PCDHGB6: variants seen among roughly 807,000 people sequenced by gnomAD.
The protein encoded by PCDHGB6 is protocadherin gamma-B6.
A neutral mutation model predicts 59.1 loss-of-function variants in PCDHGB6; 51 were observed. That is an observed-to-expected ratio of 0.86 (90% confidence interval 0.69 to 1.09). PCDHGB6 has a LOEUF of 1.09. Among genes scored for constraint, PCDHGB6 ranks in the 50% least tolerant of loss-of-function variants. PCDHGB6 has a pLI of 0.00. For synonymous variants in PCDHGB6, 466 were observed against 495.1 expected (o/e 0.94, Z 0.78); for missense variants, 1,148 against 1,205.1 (o/e 0.95, Z 0.70).
At position 141,491,299 on chromosome 5, in the gene PCDHGB6, C is replaced by T. The variant is rs777271881; in HGVS notation, c.2419-3508C>T. ...TGACTTCCTCATACACCCTCCTGAG[C>T]GTTCAGACCTTACCCTTTACCTCAT... On this transcript the variant is annotated intron_variant, in intron 1 of 3. Transcript: ENST00000520790. This position sits in a 1 kb window ranked among gnomAD's most constrained non-coding sequence, Gnocchi z 6.9. 3.7e-6 allele frequency: 6 copies of T among 1,614,068 alleles called. No individual in the cohort carries two copies. Among genetic ancestry groups the T allele is most frequent in the Non-Finnish European group, 5.1e-6 (6 of 1,179,896 alleles).
chr5:141,413,014 A>T, intron 1 of PCDHGB6: 1 of 663,842 alleles, frequency 1.5e-6, no homozygotes, highest in Non-Finnish European at 2.4e-6. Context: ...CTTCAACTAC[A>T]CAAGCCCCAC....
chr5:141,419,578 G>C (rs1339676992), intron 1 of PCDHGB6: 1 of 1,611,722 alleles, frequency 6.2e-7, no homozygotes. Flanking sequence ...ACGGCTCCGC[G>C]CTCTTCGACA....
At chr5:141,448,887 G>T (rs1160586933) in intron 1 of PCDHGB6, among the ~76,000 whole-genome samples, 1 of 152,172 alleles carries the variant, frequency 6.6e-6, no homozygotes, top group East Asian at 1.9e-4. Flanking sequence ...GGAGCTTGCA[G>T]TGAGCCGAGA....
chr5:141,462,388 C>T (rs529638718), intron 1 of PCDHGB6, among the ~76,000 whole-genome samples: 86 of 152,204 alleles, frequency 5.7e-4, no homozygotes, highest in Non-Finnish European at 9.4e-4. Context: ...AATTCGTTAA[C>T]ATTTCTTTTA....
intron 1 of PCDHGB6, among the ~76,000 whole-genome samples, chr5:141,447,535 G>T (rs1366016262): frequency 3.3e-5 from 5 of 152,162 alleles, no homozygotes; most frequent in Admixed American, 6.5e-5. Flanking sequence ...AAATTGTTGG[G>T]TTTTAATGTT....
chr5:141,450,006 C>CTATTTTT lies in PCDHGB6; in HGVS notation c.2418+39387_2418+39388insATTTTTT, dbSNP rs70988802. On this transcript the variant is annotated intron_variant, in intron 1 of 3. Coordinates refer to ENST00000520790, the MANE Select transcript of PCDHGB6 (RefSeq NM_018926.3). ...CACATTGCATTTAGTTGCCATGTCTCTTTTTTTTTTTTTTTTTTGAGACAG... is the reference window on the plus strand; with the variant it reads ...CACATTGCATTTAGTTGCCATGTCTCTATTTTTTTTTTTTTTTTTTTTTTTGAGACAG... Among the ~76,000 whole-genome samples, 248 of 132,920 alleles carry CTATTTTT rather than the reference C, an allele frequency of 1.9e-3. 8 individuals carry two copies. Among genetic ancestry groups the CTATTTTT allele is most frequent in the African/African-American group, 4.3e-3 (154 of 35,586 alleles). 87.2% of individuals were successfully genotyped at this position (132,920 alleles called of 152,430 possible). A position where few individuals can be genotyped will look rare whatever the true frequency, so the allele number is the denominator to read the frequency against.
chr5:141,434,547 A>G (rs1277148299), intron 1 of PCDHGB6, among the ~76,000 whole-genome samples: 1 of 152,232 alleles, frequency 6.6e-6, no homozygotes, highest in East Asian at 1.9e-4. Context: ...AGCATGAGTG[A>G]TCTGTGCCTT....
chr5:141,447,742 T>G (rs1440015460), intron 1 of PCDHGB6, among the ~76,000 whole-genome samples: 3 of 152,056 alleles, frequency 2.0e-5, no homozygotes, highest in Non-Finnish European at 4.4e-5. Flanking sequence ...AACTTAAGAG[T>G]CTTGCATGTG....
chr5:141,492,487 C>T (rs1031047955), intron 1 of PCDHGB6, among the ~76,000 whole-genome samples: 1 of 152,222 alleles, frequency 6.6e-6, no homozygotes, highest in Non-Finnish European at 1.5e-5. Context: ...CGCCCAGGAC[C>T]AGGCGAGGAC....
chr5:141,494,428 G>A (rs1476469017), intron 1 of PCDHGB6, among the ~76,000 whole-genome samples: 1 of 152,148 alleles, frequency 6.6e-6, no homozygotes, highest in African/African-American at 2.4e-5. Flanking sequence ...TCATTGAAAA[G>A]CCTCCTTTGC....
Position 141,409,613 on chromosome 5 carries a change from A to T in PCDHGB6, c.1411A>T (p.Ile471Phe), listed in dbSNP as rs370495173. 6.6e-5 allele frequency: 107 copies of T among 1,613,738 alleles called. 1 individual carries two copies. The South Asian group carries it at 1.1e-3, about 17-fold the overall frequency. The part of the protein sequence containing the change: ...VAENNPPGAS[I>F]AQVSASDPDL... ...CGAGAACAACCCGCCAGGAGCCTCC[A>T]TTGCGCAAGTGAGCGCCTCTGACCC... Residue 471 changes from isoleucine to phenylalanine, a missense_variant, in exon 1 of 4, where the codon ATT (isoleucine) becomes TTT (phenylalanine). Physicochemically the swap from Ile to Phe is conservative, Grantham distance 21. Transcript: ENST00000520790.
At chr5:141,428,600 C>T (rs2097150405) in intron 1 of PCDHGB6, 1 of 223,920 alleles carries the variant, frequency 4.5e-6, no homozygotes, top group African/African-American at 2.3e-5. Flanking sequence ...GCAAGCTTCA[C>T]TGAAGAGAAT....
intron 1 of PCDHGB6, among the ~76,000 whole-genome samples, chr5:141,460,135 T>G (rs2098983196): frequency 6.6e-6 from 1 of 152,044 alleles, no homozygotes; most frequent in South Asian, 2.1e-4. Flanking sequence ...ATATATATAT[T>G]CTTGATGTGA....
chr5:141,489,060 TC>T lies in PCDHGB6; in HGVS notation c.2419-5741del, dbSNP rs1037208652. 41 of 300,146 alleles carry T rather than the reference TC, an allele frequency of 1.4e-4. No individual in the cohort carries two copies. The highest frequency in any genetic ancestry group is 2.3e-4 in the Non-Finnish European group (38 of 162,914). The allele number at this position is 300,146 out of a possible 1,614,324, so 18.6% of individuals were successfully genotyped here. A position where few individuals can be genotyped will look rare whatever the true frequency, so the allele number is the denominator to read the frequency against. On this transcript the variant is annotated intron_variant, in intron 1 of 3. Coordinates refer to ENST00000520790, the MANE Select transcript of PCDHGB6 (RefSeq NM_018926.3). This position sits in a 1 kb window ranked among gnomAD's most constrained non-coding sequence, Gnocchi z 4.5. ...CAGCTCCACTCAAATTCAGCTCCCC[TC>T]CCCCCTGCCCACCCCCGCCACTCGG...
At chr5:141,415,450 C>A (rs774745130) in intron 1 of PCDHGB6, 44 of 1,614,086 alleles carry the variant, frequency 2.7e-5, no homozygotes, top group Non-Finnish European at 3.4e-5. Context: ...GACCTATTCC[C>A]ACGAGGTCTC....
intron 1 of PCDHGB6, among the ~76,000 whole-genome samples, chr5:141,455,419 G>A (rs1462099602): frequency 6.6e-6 from 1 of 152,124 alleles, no homozygotes; most frequent in Non-Finnish European, 1.5e-5. Context: ...AGGGAGCGGG[G>A]CTCCAAAAGA....
At chr5:141,418,145 T>G in intron 1 of PCDHGB6, 4 of 1,614,052 alleles carry the variant, frequency 2.5e-6, no homozygotes, top group Non-Finnish European at 3.4e-6. Flanking sequence ...TGAGCAAATA[T>G]GCAAAGAGAG....
intron 1 of PCDHGB6, among the ~76,000 whole-genome samples, chr5:141,483,767 T>C (rs2099586826): frequency 6.6e-6 from 1 of 151,840 alleles, no homozygotes; most frequent in Non-Finnish European, 1.5e-5. Flanking sequence ...CTTGGAAAAA[T>C]ATTGGGGAAG....
chr5:141,477,778 C>A lies in PCDHGB6; in HGVS notation c.2419-17029C>A. The stretch of plus-strand genomic sequence containing the variant: ...TCCTAGCCACCAACATCAGCGTGAA[C>A]ATATTTGTCACTGATCGCAATGACA... On this transcript the variant is annotated intron_variant, in intron 1 of 3. Coordinates refer to ENST00000520790, the MANE Select transcript of PCDHGB6 (RefSeq NM_018926.3). The surrounding 1 kb of genome is among the most constrained non-coding windows in gnomAD (Gnocchi z 4.9). The A allele has an allele frequency of 6.2e-7, 1 of 1,614,052 alleles. No individual in the cohort carries two copies. The highest frequency in any genetic ancestry group is 8.5e-7 in the Non-Finnish European group (1 of 1,180,040).
Sources: allele counts gnomAD v4.1 joint callset (sites outside exome capture counted in the v4.1 genomes callset), GRCh38; gene constraint gnomAD v4.1.1; non-coding constraint Gnocchi (gnomAD v3.1); transcripts MANE v1.5; gene names NCBI Gene and HGNC (gene_info 2026-07-23, HGNC 2026-07-21).